The following SMUG1 variants were observed in gnomAD, a reference collection of about 807,000 sequenced individuals.
SMUG1 encodes the protein single-strand selective monofunctional uracil DNA glycosylase.
SMUG1 carries 13 observed loss-of-function variants against 23.9 expected under a neutral mutation model. The observed-to-expected ratio is 0.54, with a 90% CI of 0.35 to 0.86. The LOEUF is 0.86. SMUG1 is among the 40% of genes least tolerant of loss of function. The probability of loss-of-function intolerance (pLI) is 0.01; values close to 1 mark genes in which losing one functional copy is unlikely to be tolerated. For synonymous variants in SMUG1, 133 were observed against 139.8 expected (o/e 0.95, Z 0.34); for missense variants, 313 against 339.5 (o/e 0.92, Z 0.61).
At position 54,185,512 on chromosome 12, in the gene SMUG1, ATAAATAAAT is replaced by A. The variant is rs1942226256; in HGVS notation, c.-19-1562_-19-1554del. ...AATAAATAAATAAATAAATAAATAAATAAATAAATAAATAAATTTGCCGGGCGCAACAGC... is the reference window on the plus strand; with the variant it reads ...AATAAATAAATAAATAAATAAATAAAAAATAAATTTGCCGGGCGCAACAGC... On this transcript the variant is annotated intron_variant, in intron 2 of 3. Transcript: ENST00000682136. 2.2e-5 allele frequency among the ~76,000 whole-genome samples: 2 copies of A among 92,950 alleles called. 1 individual carries two copies. 61.0% of individuals were successfully genotyped at this position (92,950 alleles called of 152,430 possible).
At chr12:54,170,650 G>A (rs1940593570) in intron 3 of SMUG1, among the ~76,000 whole-genome samples, 1 of 151,982 alleles carries the variant, frequency 6.6e-6, no homozygotes, top group Non-Finnish European at 1.5e-5. Context: ...AGGCTGGTGT[G>A]CAATGACACA....
chr12:54,183,336 C>T (rs1363344848), intron 3 of SMUG1: 2 of 516,112 alleles, frequency 3.9e-6, no homozygotes, highest in Admixed American at 6.9e-5. Context: ...AGTCCCTCTT[C>T]TGACCCCAAC....
intron 2 of SMUG1, among the ~76,000 whole-genome samples, chr12:54,186,438 G>A (rs1196735829): frequency 6.6e-6 from 1 of 151,984 alleles, no homozygotes; most frequent in African/African-American, 2.4e-5. Context: ...TGCCTCCCGG[G>A]TTCAAGTGAT....
At chr12:54,161,429 C>T (rs911041625), downstream of SMUG1, among the ~76,000 whole-genome samples, 1 of 152,168 alleles carries the variant, frequency 6.6e-6, no homozygotes, top group African/African-American at 2.4e-5. The surrounding 1 kb of genome is among the most constrained non-coding windows in gnomAD (Gnocchi z 4.2). Context: ...TGAACTTGGG[C>T]CTCCAAGGGG....
intron 3 of SMUG1, among the ~76,000 whole-genome samples, chr12:54,170,881 G>A (rs1037759010): frequency 3.9e-5 from 6 of 152,114 alleles, no homozygotes; most frequent in African/African-American, 1.4e-4. Flanking sequence ...ACAGGTGTGA[G>A]CCACTGCACC....
At chr12:54,172,682 C>CA (rs1565803296) in intron 2 of SMUG1, 1 of 154,200 alleles carries the variant, frequency 6.5e-6, no homozygotes, top group Non-Finnish European at 1.4e-5. Context: ...GGTGCTCCTG[C>CA]AGACCTCCCA....
intron 3 of SMUG1, among the ~76,000 whole-genome samples, chr12:54,171,333 G>A (rs1184555779): frequency 2.0e-5 from 3 of 151,658 alleles, no homozygotes; most frequent in African/African-American, 7.3e-5. Context: ...ACTCTTTAGG[G>A]GATCTCATCC....
intron 3 of SMUG1, among the ~76,000 whole-genome samples, chr12:54,168,070 C>T (rs1940527437): frequency 6.6e-6 from 1 of 152,194 alleles, no homozygotes; most frequent in African/African-American, 2.4e-5. Flanking sequence ...CAGTTATCTC[C>T]AGAGCCCCAC....
intron 2 of SMUG1, among the ~76,000 whole-genome samples, chr12:54,184,791 T>C (rs554363307): frequency 6.6e-6 from 1 of 152,200 alleles, no homozygotes; most frequent in African/African-American, 2.4e-5. Context: ...CATAGAATCT[T>C]ACGAGCTACA....
chr12:54,185,107 G>A (rs1022090650), intron 2 of SMUG1, among the ~76,000 whole-genome samples: 1 of 151,980 alleles, frequency 6.6e-6, no homozygotes, highest in African/African-American at 2.4e-5. Context: ...TCGGGAGTTC[G>A]AGACCAGCCT....
At position 54,181,222 on chromosome 12, in the gene SMUG1, C is replaced by T; in HGVS notation, c.*874G>A. The stretch of plus-strand genomic sequence containing the variant: ...AGTCATTGATCCATCTCTGACATGG[C>T]AAGAATTTTCCCTTCACCCTGGCCG... On this transcript the variant is annotated 3_prime_UTR_variant, in exon 4 of 4. Transcript: ENST00000682136. 1 of 286,086 alleles carries T rather than the reference C, an allele frequency of 3.5e-6. No homozygotes were observed. Among genetic ancestry groups the T allele is most frequent in the Non-Finnish European group, 6.6e-6 (1 of 152,060 alleles). 17.7% of individuals were successfully genotyped at this position (286,086 alleles called of 1,614,324 possible).
In SMUG1 at chr12:54,181,901, G is replaced by A; in HGVS notation, c.*195C>T. 7.0e-7 allele frequency: 1 copy of A among 1,432,076 alleles called. No homozygotes were observed. The highest frequency in any genetic ancestry group is 1.6e-5 in the South Asian group (1 of 63,412). 88.7% of individuals were successfully genotyped at this position (1,432,076 alleles called of 1,614,324 possible). A position where few individuals can be genotyped will look rare whatever the true frequency, so the allele number is the denominator to read the frequency against. On this transcript the variant is annotated 3_prime_UTR_variant, in exon 4 of 4. Transcript: ENST00000682136. ...TAAAAGGTAAAGAAAGCAGGAATCA[G>A]GAGGGCAAACAGGAGTAGTGTCAAA...
Position 54,158,716 on chromosome 12 carries a change from G to A in SMUG1, n.687+6658C>T, listed in dbSNP as rs187637476. Among the ~76,000 whole-genome samples, 141 of 152,072 alleles carry A rather than the reference G, an allele frequency of 9.3e-4. 1 individual carries two copies. Among genetic ancestry groups the A allele is most frequent in the African/African-American group, 3.2e-3 (134 of 41,486 alleles). On this transcript the variant is annotated intron_variant and non_coding_transcript_variant, in intron 4 of 5. Transcript: ENST00000634429. ...CCAGTTCAGTGTCACCCAACCCACCGCTCCAACAAATCATTCCAAGTTCTA... is the reference window on the plus strand; with the variant it reads ...CCAGTTCAGTGTCACCCAACCCACCACTCCAACAAATCATTCCAAGTTCTA...
intron 2 of SMUG1, chr12:54,172,655 A>C (rs1284615429): frequency 6.4e-6 from 1 of 155,358 alleles, no homozygotes; most frequent in Non-Finnish European, 1.4e-5. Context: ...GAAGCCCTGA[A>C]GGAATCACAT....
intron 3 of SMUG1, 156 bp from the exon 4 acceptor site, chr12:54,182,779 A>G (rs1464663446): frequency 6.5e-6 from 9 of 1,387,632 alleles, no homozygotes; most frequent in Middle Eastern, 2.6e-4. Flanking sequence ...TCTTGGCCCT[A>G]TGGTTTGAGC....
intron 3 of SMUG1, among the ~76,000 whole-genome samples, chr12:54,166,994 T>C (rs1351609285): frequency 6.6e-6 from 1 of 152,144 alleles, no homozygotes; most frequent in Non-Finnish European, 1.5e-5. Context: ...GCGCTGGAGA[T>C]ATCTAAGCAG....
downstream of SMUG1, among the ~76,000 whole-genome samples, chr12:54,176,782 G>T (rs554373849): frequency 2.0e-5 from 3 of 151,050 alleles, no homozygotes; most frequent in African/African-American, 7.3e-5. Context: ...ACTCCAGCCT[G>T]GGCGACAGAG....
At chr12:54,183,518 A>G (rs1941601092) in intron 3 of SMUG1, 138 bp downstream of exon 3, 1 of 818,452 alleles carries the variant, frequency 1.2e-6, no homozygotes, top group South Asian at 1.6e-5. Context: ...AGGAGCCAGT[A>G]TATGTGTTGA....
At chr12:54,188,218 T>C (rs1020088140) in intron 1 of SMUG1, among the ~76,000 whole-genome samples, 1 of 150,916 alleles carries the variant, frequency 6.6e-6, no homozygotes, top group African/African-American at 2.4e-5. Flanking sequence ...TCCCCTGTCC[T>C]TTGGAGGCAC....
Sources: gnomAD v4.1 joint callset for allele counts (sites outside exome capture counted in the v4.1 genomes callset) on GRCh38, gnomAD v4.1.1 for gene constraint, Gnocchi (gnomAD v3.1) non-coding constraint, MANE v1.5 for transcripts, NCBI Gene and HGNC (gene_info 2026-07-23, HGNC 2026-07-21) for gene names.